Variants in KLHL3 observed in about 807,000 individuals in gnomAD.
KLHL3 encodes kelch-like protein 3.
In KLHL3, 19 loss-of-function variants were observed where a neutral mutation model predicts 70.5. The observed-to-expected ratio is 0.27, with a 90% CI of 0.19 to 0.40. The LOEUF (loss-of-function observed/expected upper bound fraction) is 0.40. Among genes scored for constraint, KLHL3 ranks in the 10% least tolerant of loss-of-function variants. The pLI, the probability that KLHL3 is intolerant of heterozygous loss-of-function variation, is 1.00. For missense variants in KLHL3, 512 were observed against 771.1 expected (o/e 0.66, Z 3.98); for synonymous variants, 258 against 290.3 (o/e 0.89, Z 1.13).
intron 5 of KLHL3, among the ~76,000 whole-genome samples, chr5:137,691,301 A>C (rs949870547): frequency 6.6e-6 from 1 of 152,342 alleles, no homozygotes; most frequent in South Asian, 2.1e-4. Flanking sequence ...GGCTTAGTTC[A>C]GTTGTGGAAA....
chr5:137,709,495 G>C (rs569709591), intron 3 of KLHL3, among the ~76,000 whole-genome samples: 1 of 152,348 alleles, frequency 6.6e-6, no homozygotes, highest in African/African-American at 2.4e-5. Flanking sequence ...GGTGCAGGGT[G>C]AGTTTTGAGA....
chr5:137,716,247 A>G (rs779084580), intron 2 of KLHL3, among the ~76,000 whole-genome samples: 1 of 151,634 alleles, frequency 6.6e-6, no homozygotes, highest in Non-Finnish European at 1.5e-5. Flanking sequence ...GATGGGTCTC[A>G]CTATGTTGCC....
intron 8 of KLHL3, among the ~76,000 whole-genome samples, chr5:137,652,581 A>G (rs940674207): frequency 1.3e-5 from 2 of 152,252 alleles, no homozygotes; most frequent in Admixed American, 6.5e-5. Flanking sequence ...CAAATAACAT[A>G]CAATCTCACT....
intron 7 of KLHL3, among the ~76,000 whole-genome samples, chr5:137,658,838 G>A (rs974967163): frequency 2.0e-5 from 3 of 152,252 alleles, no homozygotes; most frequent in Non-Finnish European, 4.4e-5. Context: ...GGCCAGTGAG[G>A]CTCCTTCTAA....
intron 7 of KLHL3, among the ~76,000 whole-genome samples, chr5:137,660,521 G>A (rs1374456546): frequency 6.6e-6 from 1 of 152,184 alleles, no homozygotes; most frequent in African/African-American, 2.4e-5. Context: ...GCCACCAGGT[G>A]GCAGTGGTAT....
At chr5:137,689,053 G>A (rs1450648741) in intron 5 of KLHL3, among the ~76,000 whole-genome samples, 1 of 152,244 alleles carries the variant, frequency 6.6e-6, no homozygotes, top group Non-Finnish European at 1.5e-5. Flanking sequence ...GTTGGGAAAA[G>A]CCAGGCCAGA....
chr5:137,702,029 A>G (rs911697853), intron 3 of KLHL3, among the ~76,000 whole-genome samples: 1 of 152,222 alleles, frequency 6.6e-6, no homozygotes, highest in African/African-American at 2.4e-5. Context: ...CACCAAACAC[A>G]TATCAGATGT....
At chr5:137,694,147 C>G (rs1300972827) in intron 4 of KLHL3, among the ~76,000 whole-genome samples, 2 of 152,034 alleles carry the variant, frequency 1.3e-5, no homozygotes, top group African/African-American at 4.8e-5. Flanking sequence ...TGCTCGAACT[C>G]CTGAGCCAAA....
At chr5:137,716,344 ATGTT>A (rs57002774) in intron 2 of KLHL3, among the ~76,000 whole-genome samples, 98,664 of 150,434 alleles carry the variant, frequency 0.66, 32,793 homozygotes, top group South Asian at 0.72. Context: ...ACTAAGGCAT[ATGTT>A]TGTTTGTTTG....
chr5:137,676,302 T>C (rs1349877243), intron 6 of KLHL3, among the ~76,000 whole-genome samples: 17 of 152,244 alleles, frequency 1.1e-4, no homozygotes, highest in Admixed American at 1.1e-3. Flanking sequence ...TCATCTCAGA[T>C]ATAAAATCCT....
chr5:137,720,847 T>C (rs1202004028), intron 1 of KLHL3: 2 of 1,275,614 alleles, frequency 1.6e-6, no homozygotes, highest in Non-Finnish European at 2.0e-6. Context: ...TTATTCTCCA[T>C]CTCTCCATCC....
intron 6 of KLHL3, among the ~76,000 whole-genome samples, chr5:137,667,330 C>G (rs969348512): frequency 3.3e-5 from 5 of 152,140 alleles, no homozygotes; most frequent in African/African-American, 1.2e-4. Context: ...ATCTACTTAG[C>G]TACTACTTTT....
intron 14 of KLHL3, among the ~76,000 whole-genome samples, chr5:137,622,942 C>T (rs570287483): frequency 2.0e-5 from 3 of 152,352 alleles, no homozygotes; most frequent in South Asian, 2.1e-4. Flanking sequence ...AGATGTGCCA[C>T]GTGACCCAGT....
intron 11 of KLHL3, 65 bp downstream of exon 11, chr5:137,637,229 G>T: frequency 1.5e-6 from 2 of 1,320,438 alleles, no homozygotes; most frequent in Non-Finnish European, 2.2e-6. Context: ...CAAGCATGAT[G>T]CTGGACCCAG....
chr5:137,720,962 G>T, intron 1 of KLHL3: 1 of 857,900 alleles, frequency 1.2e-6, no homozygotes, highest in Non-Finnish European at 1.4e-6. Flanking sequence ...ACTGCGTTTA[G>T]ATTTAAGGGA....
At position 137,640,059 on chromosome 5, in the gene KLHL3, C is replaced by T. The variant is rs569053497; in HGVS notation, c.904-82G>A. On this transcript the variant is annotated intron_variant, in intron 8 of 14. Coordinates refer to ENST00000309755, the MANE Select transcript of KLHL3 (RefSeq NM_017415.3). ...TCCCTGGTACTTCCACATGGCTTATCGCCCAGGGTGTGTGGATGATCTGAG... is the reference window on the plus strand; with the variant it reads ...TCCCTGGTACTTCCACATGGCTTATTGCCCAGGGTGTGTGGATGATCTGAG... 3.1e-5 allele frequency: 36 copies of T among 1,154,252 alleles called. 1 individual carries two copies. Among genetic ancestry groups the T allele is most frequent in the Middle Eastern group, 3.9e-4 (2 of 5,168 alleles). The allele number at this position is 1,154,252 out of a possible 1,614,324, so 71.5% of individuals were successfully genotyped here. A position where few individuals can be genotyped will look rare whatever the true frequency, so the allele number is the denominator to read the frequency against.
chr5:137,698,676 A>G (rs950072196), intron 3 of KLHL3, among the ~76,000 whole-genome samples: 1 of 152,342 alleles, frequency 6.6e-6, no homozygotes, highest in Middle Eastern at 3.4e-3. Flanking sequence ...TCTGTGTGCA[A>G]TCACTCATTT....
chr5:137,640,939 T>A (rs952940907), intron 8 of KLHL3, among the ~76,000 whole-genome samples: 16 of 152,260 alleles, frequency 1.1e-4, no homozygotes, highest in African/African-American at 3.9e-4. Flanking sequence ...CACACTTACA[T>A]GTGTCTTCTG....
rs145851577 is a variant in KLHL3, at chr5:137,654,292, C to T, written c.903+3839G>A. Among the ~76,000 whole-genome samples, 194 of 152,270 alleles carry T rather than the reference C, an allele frequency of 1.3e-3. 5 individuals carry two copies. In the Middle Eastern group the frequency reaches 0.024, roughly 19 times the overall value. On this transcript the variant is annotated intron_variant, in intron 8 of 14. Coordinates refer to ENST00000309755, the MANE Select transcript of KLHL3 (RefSeq NM_017415.3). ...CTAAAAGAAAATAATCTCTTTAAAC[C>T]GCTAACAAAACCTGAAAGCTGTTTC...
Sources: gnomAD v4.1 joint callset for allele counts (sites outside exome capture counted in the v4.1 genomes callset) on GRCh38, gnomAD v4.1.1 for gene constraint, MANE v1.5 for transcripts, NCBI Gene and HGNC (gene_info 2026-07-23, HGNC 2026-07-21) for gene names.